Variants in GPIHBP1 observed in about 807,000 individuals in gnomAD.
GPIHBP1 encodes the protein glycosylphosphatidylinositol-anchored high density lipoprotein-binding protein 1.
In GPIHBP1, 11 loss-of-function variants were observed where a neutral mutation model predicts 13.0. The ratio of observed to expected loss-of-function variants is 0.84; its 90% confidence interval spans 0.53 to 1.40. GPIHBP1 has a LOEUF of 1.40. Among genes scored for constraint, GPIHBP1 ranks in the 40% most tolerant of loss-of-function variants. The pLI, the probability that GPIHBP1 is intolerant of heterozygous loss-of-function variation, is 0.00. For missense variants in GPIHBP1, 231 were observed against 241.1 expected (o/e 0.96, Z 0.28); for synonymous variants, 106 against 102.2 (o/e 1.04, Z -0.22).
chr8:143,216,937 G>A lies in GPIHBP1; in HGVS notation c.*1419G>A, dbSNP rs1563714518. The A allele has an allele frequency of 1.3e-5, 2 of 152,214 alleles. No homozygotes were observed. The highest frequency in any genetic ancestry group is 4.8e-5 in the African/African-American group (2 of 41,404). 9.4% of individuals were successfully genotyped at this position (152,214 alleles called of 1,614,324 possible). On this transcript the variant is annotated 3_prime_UTR_variant, in exon 4 of 4. Transcript: ENST00000622500. ...ATAAAACACACAATGCCTAGCTGGG[G>A]GGTCGGAAGGCAAATGCCCTAGATG...
Position 143,216,002 on chromosome 8 carries a change from G to A in GPIHBP1, c.*484G>A, listed in dbSNP as rs913006711. On this transcript the variant is annotated 3_prime_UTR_variant, in exon 4 of 4. Coordinates refer to ENST00000622500, the MANE Select transcript of GPIHBP1 (RefSeq NM_178172.6). ...TGGAGGGAGGCTGTCGTCGCCCCCA[G>A]GAAAGACGGGCCTGGGGGAGGCGGG... 3.0e-5 allele frequency: 5 copies of A among 167,312 alleles called. No homozygotes were observed. In the South Asian group the frequency reaches 4.9e-4, roughly 16 times the overall value. 10.4% of individuals were successfully genotyped at this position (167,312 alleles called of 1,614,324 possible). A position where few individuals can be genotyped will look rare whatever the true frequency, so the allele number is the denominator to read the frequency against.
chr8:143,213,796 G>C (rs1460199205), intron 1 of GPIHBP1, 26 bp from the exon 2 acceptor site: 5 of 1,575,338 alleles, frequency 3.2e-6, no homozygotes, highest in Non-Finnish European at 4.3e-6. Flanking sequence ...GGTAGCTGAG[G>C]CTTACAAGCA....
intron 1 of GPIHBP1, 94 bp from the exon 2 acceptor site, chr8:143,213,728 G>C (rs1816256226): frequency 1.9e-6 from 3 of 1,542,748 alleles, no homozygotes; most frequent in Admixed American, 3.9e-5. Context: ...GGATGGCTGG[G>C]GAGGGCCAAG....
At chr8:143,213,756 C>G in intron 1 of GPIHBP1, 66 bp from the exon 2 acceptor site, 1 of 1,565,648 alleles carries the variant, frequency 6.4e-7, no homozygotes, top group South Asian at 1.2e-5. Flanking sequence ...GGGCACGATG[C>G]TTGCCCAGAG....
At position 143,215,962 on chromosome 8, in the gene GPIHBP1, G is replaced by A. The variant is rs1233327851; in HGVS notation, c.*444G>A. ...CCCCAGGTCGGCCTCTCCGCTGTCT[G>A]GAGGGAAGGGGATTTGGAGGGAGGC... On this transcript the variant is annotated 3_prime_UTR_variant, in exon 4 of 4. Coordinates refer to ENST00000622500, the MANE Select transcript of GPIHBP1 (RefSeq NM_178172.6). 2 of 185,564 alleles carry A rather than the reference G, an allele frequency of 1.1e-5. No homozygotes were observed. Among genetic ancestry groups the A allele is most frequent in the Admixed American group, 5.4e-5 (1 of 18,530 alleles). 11.5% of individuals were successfully genotyped at this position (185,564 alleles called of 1,614,324 possible). A position where few individuals can be genotyped will look rare whatever the true frequency, so the allele number is the denominator to read the frequency against.
rs1362786836 is a variant in GPIHBP1 at position 143,216,435 on chromosome 8, C to G, written c.*917C>G. 1 of 152,294 alleles carries G rather than the reference C, an allele frequency of 6.6e-6. No homozygotes were observed. The highest frequency in any genetic ancestry group is 1.5e-5 in the Non-Finnish European group (1 of 68,134). 9.4% of individuals were successfully genotyped at this position (152,294 alleles called of 1,614,324 possible). Reference sequence around the variant, plus strand: ...GGAATTTTTCCAGCCTCATCCTGGCCTGCCCTCTAGACTCCAGTCCCCAAG... The same window carrying G: ...GGAATTTTTCCAGCCTCATCCTGGCGTGCCCTCTAGACTCCAGTCCCCAAG... On this transcript the variant is annotated 3_prime_UTR_variant, in exon 4 of 4. Coordinates refer to ENST00000622500, the MANE Select transcript of GPIHBP1 (RefSeq NM_178172.6).
chr8:143,213,871 G>A lies in GPIHBP1; in HGVS notation c.102G>A (p.Gly34=), dbSNP rs1282059481. The part of the protein sequence containing the change: ...QEEEEEDEDH[G]PDDYDEEDED... ...AAGAGGAAGAGGACGAGGACCACGG[G>A]CCAGATGACTACGACGAGGAAGATG... Residue 34 remains glycine (G), a synonymous_variant, in exon 2 of 4, where the codon GGG becomes GGA. Coordinates refer to ENST00000622500, the MANE Select transcript of GPIHBP1 (RefSeq NM_178172.6). 1.0e-5 allele frequency: 16 copies of A among 1,554,600 alleles called. No individual in the cohort carries two copies. Among genetic ancestry groups the A allele is most frequent in the African/African-American group, 1.4e-5 (1 of 73,110 alleles).
chr8:143,213,726 G>A, intron 1 of GPIHBP1, 96 bp from the exon 2 acceptor site: 2 of 1,538,002 alleles, frequency 1.3e-6, no homozygotes, highest in Non-Finnish European at 1.8e-6. Context: ...GAGGATGGCT[G>A]GGGAGGGCCA....
In GPIHBP1 at chr8:143,215,371, C is replaced by T; in HGVS notation, c.408C>T (p.Cys136=). The T allele has an allele frequency of 1.9e-6, 3 of 1,612,946 alleles. No individual in the cohort carries two copies. The highest frequency in any genetic ancestry group is 2.5e-6 in the Non-Finnish European group (3 of 1,180,006). Residue 136 remains cysteine, a synonymous_variant, in exon 4 of 4, where the codon TGC becomes TGT. Coordinates refer to ENST00000622500, the MANE Select transcript of GPIHBP1 (RefSeq NM_178172.6). ...TGACCTGCTGCCAGTCCAGCCTGTG[C>T]AATGTCCCACCCTGGCAAAGCTCCC... ...VTMTCCQSSL[C]NVPPWQSSRV...
At chr8:143,215,178 A>G (rs761064228) in intron 3 of GPIHBP1, 52 bp downstream of exon 3, 1 of 1,542,902 alleles carries the variant, frequency 6.5e-7, no homozygotes, top group Non-Finnish European at 8.8e-7. Context: ...CGGGAAAGCC[A>G]GGGGCCCGGA....
rs1449951127 is a variant in GPIHBP1, at chr8:143,214,630, C to T, written c.182-383C>T. ...GCCCCAAGCCTGCCCTCAGCACGAG[C>T]CCTGCCCCACACACCCACGAGGTGT... On this transcript the variant is annotated intron_variant, in intron 2 of 3. Coordinates refer to ENST00000622500, the MANE Select transcript of GPIHBP1 (RefSeq NM_178172.6). The surrounding 1 kb of genome is among the most constrained non-coding windows in gnomAD (Gnocchi z 4.1). Among the ~76,000 whole-genome samples the T allele has an allele frequency of 6.6e-6, 1 of 152,080 alleles. No individual in the cohort carries two copies. The highest frequency in any genetic ancestry group is 2.4e-5 in the African/African-American group (1 of 41,388).
rs1341296101 is a variant in GPIHBP1 at position 143,214,744 on chromosome 8, G to A, written c.182-269G>A. On this transcript the variant is annotated intron_variant, in intron 2 of 3. Coordinates refer to ENST00000622500, the MANE Select transcript of GPIHBP1 (RefSeq NM_178172.6). This position sits in a 1 kb window ranked among gnomAD's most constrained non-coding sequence, Gnocchi z 4.1. The stretch of plus-strand genomic sequence containing the variant: ...CTCCAGGTTTCTGTGACCACGGCAG[G>A]AGCCTGGGCAGCATTGTCGCAGGAC... Among the ~76,000 whole-genome samples the A allele has an allele frequency of 6.6e-6, 1 of 152,226 alleles. No homozygotes were observed.
Position 143,216,422 on chromosome 8 carries a change from G to A in GPIHBP1, c.*904G>A, listed in dbSNP as rs376733720. 1.3e-5 allele frequency: 2 copies of A among 152,410 alleles called. No individual in the cohort carries two copies. The highest frequency in any genetic ancestry group is 4.8e-5 in the African/African-American group (2 of 41,564). 9.4% of individuals were successfully genotyped at this position (152,410 alleles called of 1,614,324 possible). A position where few individuals can be genotyped will look rare whatever the true frequency, so the allele number is the denominator to read the frequency against. On this transcript the variant is annotated 3_prime_UTR_variant, in exon 4 of 4. Transcript: ENST00000622500. ...GAGTAGATGAGATGGAATTTTTCCAGCCTCATCCTGGCCTGCCCTCTAGAC... is the reference window on the plus strand; with the variant it reads ...GAGTAGATGAGATGGAATTTTTCCAACCTCATCCTGGCCTGCCCTCTAGAC...
rs770702398 is a variant in GPIHBP1 at position 143,215,392 on chromosome 8, C to A, written c.429C>A (p.Ser143Arg). The change falls in exon 4 of 4, where the codon AGC (serine) becomes AGA (arginine). Residue 143 changes from serine to arginine, a missense_variant. By Grantham distance (110) the Ser-to-Arg change is moderately radical. Transcript: ENST00000622500. ...SSLCNVPPWQ[S>R]SRVQDPTGKG... The stretch of plus-strand genomic sequence containing the variant: ...TGTGCAATGTCCCACCCTGGCAAAG[C>A]TCCCGAGTCCAGGACCCAACAGGCA... 1 of 1,612,782 alleles carries A rather than the reference C, an allele frequency of 6.2e-7. No homozygotes were observed. The highest frequency in any genetic ancestry group is 1.3e-5 in the African/African-American group (1 of 74,930).
chr8:143,215,567 C>A lies in GPIHBP1; in HGVS notation c.*49C>A. On this transcript the variant is annotated 3_prime_UTR_variant, in exon 4 of 4. Transcript: ENST00000622500. The stretch of plus-strand genomic sequence containing the variant: ...CCCGGCTCACCCCCGGCCCTGCCAG[C>A]ACTCTGTCTGGTACCTTCCCCTCCT... 1 of 1,439,618 alleles carries A rather than the reference C, an allele frequency of 6.9e-7. No individual in the cohort carries two copies. Among genetic ancestry groups the A allele is most frequent in the Non-Finnish European group, 9.4e-7 (1 of 1,066,092 alleles). 89.2% of individuals were successfully genotyped at this position (1,439,618 alleles called of 1,614,324 possible).
At position 143,213,905 on chromosome 8, in the gene GPIHBP1, G is replaced by C; in HGVS notation, c.136G>C (p.Val46Leu). The C allele has an allele frequency of 1.9e-6, 3 of 1,552,070 alleles. No homozygotes were observed. The change falls in exon 2 of 4, where the codon GTG becomes CTG. Residue 46 changes from valine (V) to leucine (L), a missense_variant. Coordinates refer to ENST00000622500, the MANE Select transcript of GPIHBP1 (RefSeq NM_178172.6). ...CTACGACGAGGAAGATGAGGATGAG[G>C]TGGAAGAGGAGGAGACCAACAGGCT... ...DDYDEEDEDE[V>L]EEEETNRLPG... is the part of the protein sequence containing the mutation.
At position 143,214,179 on chromosome 8, in the gene GPIHBP1, T is replaced by C. The variant is rs1816264799; in HGVS notation, c.181+229T>C. ...GCTGGGAGGGTCAGTGGTGCCAGGA[T>C]GTAGAGGTTAAATAGGAGTTCACCA... On this transcript the variant is annotated intron_variant, in intron 2 of 3. Coordinates refer to ENST00000622500, the MANE Select transcript of GPIHBP1 (RefSeq NM_178172.6). This position sits in a 1 kb window ranked among gnomAD's most constrained non-coding sequence, Gnocchi z 4.1. 6.6e-6 allele frequency among the ~76,000 whole-genome samples: 1 copy of C among 151,742 alleles called. No homozygotes were observed. Among genetic ancestry groups the C allele is most frequent in the Non-Finnish European group, 1.5e-5 (1 of 67,904 alleles).
At position 143,215,503 on chromosome 8, in the gene GPIHBP1, G is replaced by A. The variant is rs1446020073; in HGVS notation, c.540G>A (p.Gly180=). Residue 180 remains glycine (G), a synonymous_variant, in exon 4 of 4, where the codon GGG becomes GGA. Transcript: ENST00000622500. ...LNLLAGLGAM[G]ARRP Reference sequence around the variant, plus strand: ...TCCTTGCCGGCCTTGGAGCAATGGGGGCCAGGAGACCCTGACCCACGGCCC... The same window carrying A: ...TCCTTGCCGGCCTTGGAGCAATGGGAGCCAGGAGACCCTGACCCACGGCCC... The A allele has an allele frequency of 5.0e-6, 8 of 1,604,134 alleles. No homozygotes were observed. In the Admixed American group the frequency reaches 8.4e-5, roughly 17 times the overall value.
At position 143,213,789 on chromosome 8, in the gene GPIHBP1, A is replaced by G. The variant is rs1463245224; in HGVS notation, c.53-33A>G. ...GAGCAGGTGTCCTCCATACCCGGGT[A>G]GCTGAGGCTTACAAGCATCCCTGCA... On this transcript the variant is annotated intron_variant, in intron 1 of 3. Transcript: ENST00000622500. 3 of 1,575,326 alleles carry G rather than the reference A, an allele frequency of 1.9e-6. No individual in the cohort carries two copies. The African/African-American group carries it at 4.1e-5, about 21-fold the overall frequency.
Sources: allele counts gnomAD v4.1 joint callset (sites outside exome capture counted in the v4.1 genomes callset), GRCh38; gene constraint gnomAD v4.1.1; non-coding constraint Gnocchi (gnomAD v3.1); transcripts MANE v1.5; gene names NCBI Gene and HGNC (gene_info 2026-07-23, HGNC 2026-07-21).